Variants in PTCHD4 observed in about 807,000 individuals in gnomAD.
The protein encoded by PTCHD4 is patched domain containing 4, also known as patched domain-containing protein 4.
PTCHD4 carries 33 observed loss-of-function variants against 58.1 expected under a neutral mutation model. The observed-to-expected ratio is 0.57, with a 90% CI of 0.43 to 0.76. The LOEUF is 0.76. PTCHD4 is among the 30% of genes least tolerant of loss of function. PTCHD4 has a pLI of 0.00. For synonymous variants in PTCHD4, 478 were observed against 409.6 expected, an observed-to-expected ratio of 1.17 and a Z score of -2.02; for missense variants, 1,058 against 1,027.1, an observed-to-expected ratio of 1.03 and a Z score of -0.41.
intron 3 of PTCHD4, among the ~76,000 whole-genome samples, chr6:48,014,274 T>C (rs1762792186): frequency 6.6e-6 from 1 of 152,134 alleles, no homozygotes; most frequent in Admixed American, 6.6e-5. Context: ...TGTACATTAT[T>C]TGTATGGGAA....
At chr6:48,109,466 A>G (rs1765816240) in intron 1 of PTCHD4, among the ~76,000 whole-genome samples, 1 of 152,118 alleles carries the variant, frequency 6.6e-6, no homozygotes, top group Non-Finnish European at 1.5e-5. Context: ...GAACTATGAA[A>G]TTCCTGGAAG....
rs535005931 is a variant in PTCHD4 at position 48,024,130 on chromosome 6, T to C, written c.418-15016A>G. On this transcript the variant is annotated intron_variant, in intron 3 of 4. Coordinates refer to ENST00000339488, the MANE Select transcript of PTCHD4 (RefSeq NM_001384253.1). Reference sequence around the variant, plus strand: ...ATGTTTGATGATATTTGATGAGAGATAGCACCCTGTCTGTTATTTTGTAGG... The same window carrying C: ...ATGTTTGATGATATTTGATGAGAGACAGCACCCTGTCTGTTATTTTGTAGG... Among the ~76,000 whole-genome samples the C allele has an allele frequency of 2.4e-4, 36 of 152,282 alleles. No individual in the cohort carries two copies. In the South Asian group the frequency reaches 7.1e-3, roughly 30 times the overall value.
In PTCHD4 at chr6:48,088,937, C is replaced by T. The variant is rs572181834; in HGVS notation, c.-969-19011G>A. Among the ~76,000 whole-genome samples the T allele has an allele frequency of 1.6e-4, 25 of 152,180 alleles. No individual in the cohort carries two copies. In the South Asian group the frequency reaches 5.2e-3, roughly 32 times the overall value. ...GCGGGCGCCTGTAATGCAGGTTACT[C>T]AGGAGACTGGGGCAAGAGAATCGCT... On this transcript the variant is annotated intron_variant, in intron 1 of 4. Coordinates refer to ENST00000339488, the MANE Select transcript of PTCHD4 (RefSeq NM_001384253.1).
intron 1 of PTCHD4, among the ~76,000 whole-genome samples, chr6:48,100,521 T>C (rs150009137): frequency 1.7e-3 from 252 of 152,290 alleles, no homozygotes; most frequent in African/African-American, 5.4e-3. Context: ...TTTGTTTTAC[T>C]GAGGAAAAAA....
intron 4 of PTCHD4, among the ~76,000 whole-genome samples, chr6:47,997,166 G>C (rs1300531390): frequency 6.6e-6 from 1 of 152,046 alleles, no homozygotes; most frequent in African/African-American, 2.4e-5. Flanking sequence ...CTACATGTTA[G>C]GTGCCTTTCA....
At position 47,867,529 on chromosome 6, in the gene PTCHD4, GGCAAT is replaced by G. The variant is rs1317939766; in HGVS notation, c.*10769_*10773del. On this transcript the variant is annotated 3_prime_UTR_variant, in exon 5 of 5. Coordinates refer to ENST00000339488, the MANE Select transcript of PTCHD4 (RefSeq NM_001384253.1). Reference sequence around the variant, plus strand: ...AAATCCAAGTAACTCCCCATATCCTGGCAATGCTTTATAATACCACTCACAATGGG... The same window carrying G: ...AAATCCAAGTAACTCCCCATATCCTGGCTTTATAATACCACTCACAATGGG... Among the ~76,000 whole-genome samples the G allele has an allele frequency of 7.1e-6, 1 of 141,830 alleles. No homozygotes were observed. The highest frequency in any genetic ancestry group is 3.8e-4 in the East Asian group (1 of 2,648). 93.0% of individuals were successfully genotyped at this position (141,830 alleles called of 152,430 possible).
At chr6:48,076,531 G>C (rs188185328) in intron 1 of PTCHD4, among the ~76,000 whole-genome samples, 5 of 152,274 alleles carry the variant, frequency 3.3e-5, no homozygotes, top group African/African-American at 1.2e-4. Context: ...AAGACTTGAG[G>C]GTTGAAATTA....
chr6:48,050,231 G>C (rs1764182090), intron 3 of PTCHD4, among the ~76,000 whole-genome samples: 1 of 151,958 alleles, frequency 6.6e-6, no homozygotes, highest in Non-Finnish European at 1.5e-5. Flanking sequence ...TCAATTACAT[G>C]ATGTGCACAT....
At chr6:48,045,007 T>A (rs1042339229) in intron 3 of PTCHD4, among the ~76,000 whole-genome samples, 2 of 151,816 alleles carry the variant, frequency 1.3e-5, no homozygotes, top group Non-Finnish European at 2.9e-5. Flanking sequence ...CCATTTCTTA[T>A]AGAAATACAA....
intron 3 of PTCHD4, among the ~76,000 whole-genome samples, chr6:48,012,999 A>G (rs1466683385): frequency 6.6e-6 from 1 of 152,152 alleles, no homozygotes; most frequent in Non-Finnish European, 1.5e-5. Context: ...GGATTTTAGC[A>G]TTGATGTTCA....
intron 1 of PTCHD4, among the ~76,000 whole-genome samples, chr6:48,099,731 C>T (rs529975687): frequency 1.1e-4 from 16 of 152,296 alleles, no homozygotes; most frequent in Non-Finnish European, 1.9e-4. Flanking sequence ...TCCTTGGCCT[C>T]CCTGAGCTTC....
intron 1 of PTCHD4, among the ~76,000 whole-genome samples, chr6:48,097,719 A>T (rs1317624309): frequency 6.6e-6 from 1 of 152,244 alleles, no homozygotes; most frequent in Non-Finnish European, 1.5e-5. Flanking sequence ...ATAGGCCCTT[A>T]TTAGGAAGCT....
At chr6:48,026,328 C>A (rs998667190) in intron 3 of PTCHD4, among the ~76,000 whole-genome samples, 3 of 152,160 alleles carry the variant, frequency 2.0e-5, no homozygotes, top group Non-Finnish European at 2.9e-5. Context: ...TGAAGCCTTT[C>A]ATCTCAAACC....
Position 47,863,002 on chromosome 6 carries a change from C to T in PTCHD4, c.*15301G>A, listed in dbSNP as rs1328076610. Among the ~76,000 whole-genome samples, 2 of 151,862 alleles carry T rather than the reference C, an allele frequency of 1.3e-5. No individual in the cohort carries two copies. Among genetic ancestry groups the T allele is most frequent in the African/African-American group, 4.8e-5 (2 of 41,408 alleles). On this transcript the variant is annotated 3_prime_UTR_variant, in exon 5 of 5. Transcript: ENST00000339488. ...ATTCAAAGAATAGGCTTCATTTTGC[C>T]AGTGTTGAAGCCATTTTAATTTCAA...
intron 4 of PTCHD4, among the ~76,000 whole-genome samples, chr6:47,975,765 A>C (rs1767670140): frequency 6.6e-6 from 1 of 152,178 alleles, no homozygotes; most frequent in Non-Finnish European, 1.5e-5. Context: ...TCTGCATATA[A>C]AGATGAACAG....
At chr6:48,084,285 C>T (rs1056356723) in intron 1 of PTCHD4, among the ~76,000 whole-genome samples, 4 of 152,152 alleles carry the variant, frequency 2.6e-5, no homozygotes, top group African/African-American at 9.7e-5. Flanking sequence ...TGATATTTGA[C>T]TTTTAACATG....
intron 3 of PTCHD4, among the ~76,000 whole-genome samples, chr6:48,038,148 A>C (rs1763709697): frequency 6.6e-6 from 1 of 152,098 alleles, no homozygotes. Flanking sequence ...CTGAGGAAGG[A>C]ATAGAAGATG....
intron 4 of PTCHD4, among the ~76,000 whole-genome samples, chr6:47,954,162 G>A (rs1383381770): frequency 1.3e-5 from 2 of 152,092 alleles, no homozygotes; most frequent in East Asian, 1.9e-4. Flanking sequence ...TTCAAGACCA[G>A]CTTGGCCAAC....
In PTCHD4 at chr6:47,870,449, T is replaced by C. The variant is rs1273005700; in HGVS notation, c.*7854A>G. On this transcript the variant is annotated 3_prime_UTR_variant, in exon 5 of 5. Coordinates refer to ENST00000339488, the MANE Select transcript of PTCHD4 (RefSeq NM_001384253.1). ...TTAAATGTGTGTTTACACATGCAAA[T>C]CTATGGGAAATAATTTGTTCTTTAT... Among the ~76,000 whole-genome samples, 1 of 151,670 alleles carries C rather than the reference T, an allele frequency of 6.6e-6. No homozygotes were observed. The highest frequency in any genetic ancestry group is 1.5e-5 in the Non-Finnish European group (1 of 67,728).
Sources: gnomAD v4.1 joint callset for allele counts (sites outside exome capture counted in the v4.1 genomes callset) on GRCh38, gnomAD v4.1.1 for gene constraint, MANE v1.5 for transcripts, NCBI Gene and HGNC (gene_info 2026-07-23, HGNC 2026-07-21) for gene names.